Variants in DOP1B observed in about 807,000 individuals in gnomAD.
DOP1B encodes the protein DOP1 leucine zipper like protein B.
DOP1B carries 174 observed loss-of-function variants against 233.5 expected under a neutral mutation model. That is an observed-to-expected ratio of 0.75 (90% CI 0.66 to 0.85). The LOEUF (loss-of-function observed/expected upper bound fraction) is 0.85. DOP1B is among the 40% of genes least tolerant of loss of function. The pLI is 0.00. For synonymous variants in DOP1B, 1,190 were observed against 1,185.6 expected (o/e 1.00, Z -0.08); for missense variants, 2,652 against 2,846.6 (o/e 0.93, Z 1.56).
intron 4 of DOP1B, among the ~76,000 whole-genome samples, chr21:36,202,607 C>A (rs1180112615): frequency 1.3e-5 from 2 of 152,208 alleles, no homozygotes; most frequent in Admixed American, 1.3e-4. Context: ...GGGTGCATTT[C>A]GTGAGCTCTA....
rs149771593 is a variant in DOP1B, at chr21:36,165,914, A to G, written c.138+1043A>G. Among the ~76,000 whole-genome samples the G allele has an allele frequency of 9.8e-3, 1,477 of 151,096 alleles. 18 individuals carry two copies. Among genetic ancestry groups the G allele is most frequent in the African/African-American group, 0.033 (1,364 of 41,224 alleles). On this transcript the variant is annotated intron_variant, in intron 2 of 36. Transcript: ENST00000691173. ...GTATTTTTAGTAGAGACTGGGTTTC[A>G]CCATGTTGGCCAGGCTGGTCTCGAA... is the stretch of plus-strand genomic sequence containing the variant.
intron 10 of DOP1B, 78 bp downstream of exon 10, chr21:36,219,570 T>C: frequency 6.4e-7 from 1 of 1,567,664 alleles, no homozygotes; most frequent in Non-Finnish European, 8.6e-7. Context: ...TCTTGCTTAC[T>C]ATAAATTGTG....
At chr21:36,256,153 A>C (rs2067094362) in intron 23 of DOP1B, among the ~76,000 whole-genome samples, 1 of 152,180 alleles carries the variant, frequency 6.6e-6, no homozygotes, top group African/African-American at 2.4e-5. Flanking sequence ...CAGTTAGCAA[A>C]AATTTAAGAA....
At position 36,254,287 on chromosome 21, in the gene DOP1B, C is replaced by G. The variant is rs537546974; in HGVS notation, c.5259+378C>G. Among the ~76,000 whole-genome samples the G allele has an allele frequency of 1.4e-4, 22 of 152,210 alleles. No individual in the cohort carries two copies. In the South Asian group the frequency reaches 4.6e-3, roughly 32 times the overall value. On this transcript the variant is annotated intron_variant, in intron 23 of 36. Transcript: ENST00000691173. ...GATGCCAAAGATAAACAAAACCAGACTCTAGTGAAAGATGGTAAAGACAGA... is the reference window on the plus strand; with the variant it reads ...GATGCCAAAGATAAACAAAACCAGAGTCTAGTGAAAGATGGTAAAGACAGA...
chr21:36,253,657 T>G, intron 22 of DOP1B, 115 bp from the exon 23 acceptor site: 1 of 1,193,868 alleles, frequency 8.4e-7, no homozygotes, highest in Non-Finnish European at 1.1e-6. Flanking sequence ...AAAAAAGAGA[T>G]GAAAACAGAT....
chr21:36,246,038 T>A lies in DOP1B; in HGVS notation c.4058T>A (p.Ile1353Asn). The change falls in exon 19 of 37, where the codon ATC becomes AAC. Residue 1353 changes from isoleucine (I) to asparagine (N), a missense_variant. By Grantham distance (149) the Ile-to-Asn change is moderately radical. This residue lies in a region of DOP1B where 2,617 missense variants were observed against 2,794.3 expected (regional missense o/e 0.94). Transcript: ENST00000691173. The surrounding 1 kb of genome is among the most constrained non-coding windows in gnomAD (Gnocchi z 5.1). ...DVQVKSVEVL[I>N]RIMMQLVSVA... ...CAGGTCAAAAGTGTCGAGGTTTTGA[T>A]CAGGATAATGATGCAGCTGGTCTCA... 2 of 1,613,662 alleles carry A rather than the reference T, an allele frequency of 1.2e-6. No homozygotes were observed. Among genetic ancestry groups the A allele is most frequent in the Non-Finnish European group, 8.5e-7 (1 of 1,179,942 alleles).
rs554274025 is a variant in DOP1B, at chr21:36,275,064, C to T, written c.5633-1957C>T. Among the ~76,000 whole-genome samples, 9 of 151,946 alleles carry T rather than the reference C, an allele frequency of 5.9e-5. No individual in the cohort carries two copies. The South Asian group carries it at 8.4e-4, about 14-fold the overall frequency. On this transcript the variant is annotated intron_variant, in intron 27 of 36. Coordinates refer to ENST00000691173, the MANE Select transcript of DOP1B (RefSeq NM_001320714.2). ...TTCACCATGTTGGCCAGGCTGGTCT[C>T]GAACTCCTGACCTCAAGCGATCTGC...
intron 22 of DOP1B, among the ~76,000 whole-genome samples, chr21:36,253,503 C>T (rs535116072): frequency 4.6e-5 from 7 of 152,100 alleles, no homozygotes; most frequent in Admixed American, 6.6e-5. Flanking sequence ...CACCTGAGGT[C>T]GGGAGTTTGA....
rs770826731 is a variant in DOP1B, at chr21:36,281,338, A to G, written c.6032-145A>G. On this transcript the variant is annotated intron_variant, in intron 31 of 36. Coordinates refer to ENST00000691173, the MANE Select transcript of DOP1B (RefSeq NM_001320714.2). ...AGAAATAACTATTTTTTAAATATAC[A>G]TGGGAACAGTAATCTCATGTCCTTA... The G allele has an allele frequency of 1.0e-5, 8 of 777,882 alleles. No individual in the cohort carries two copies. The Admixed American group carries it at 1.1e-4, about 11-fold the overall frequency. The allele number at this position is 777,882 out of a possible 1,614,324, so 48.2% of individuals were successfully genotyped here. A position where few individuals can be genotyped will look rare whatever the true frequency, so the allele number is the denominator to read the frequency against.
chr21:36,185,716 C>T (rs2066157249), intron 2 of DOP1B, among the ~76,000 whole-genome samples: 1 of 152,164 alleles, frequency 6.6e-6, no homozygotes, highest in Admixed American at 6.6e-5. Context: ...AGGTACTGTA[C>T]AGCATCACAG....
intron 9 of DOP1B, among the ~76,000 whole-genome samples, chr21:36,217,483 A>C (rs78860521): frequency 0.037 from 5,584 of 152,306 alleles, 132 homozygotes; most frequent in Non-Finnish European, 0.051. Flanking sequence ...AGGGCCAGTC[A>C]GGAGCCTAAG....
chr21:36,163,846 C>T (rs1469561081), intron 1 of DOP1B, among the ~76,000 whole-genome samples: 2 of 152,240 alleles, frequency 1.3e-5, no homozygotes, highest in Admixed American at 6.5e-5. Flanking sequence ...TGTCGTTCCA[C>T]TCAGCCATCG....
At chr21:36,188,838 A>C (rs1447010704) in intron 2 of DOP1B, among the ~76,000 whole-genome samples, 1 of 152,236 alleles carries the variant, frequency 6.6e-6, no homozygotes, top group African/African-American at 2.4e-5. Context: ...GGAAACATTT[A>C]ACATTTTTAT....
intron 24 of DOP1B, among the ~76,000 whole-genome samples, chr21:36,263,271 G>A (rs1238391394): frequency 6.7e-6 from 1 of 148,810 alleles, no homozygotes; most frequent in Non-Finnish European, 1.5e-5. Flanking sequence ...AGAGGTCAAG[G>A]TCGATCATCT....
At chr21:36,231,940 G>A (rs1347238241) in intron 14 of DOP1B, among the ~76,000 whole-genome samples, 1 of 151,620 alleles carries the variant, frequency 6.6e-6, no homozygotes, top group Non-Finnish European at 1.5e-5. Context: ...CCGCCTCCCG[G>A]GTTCAAGTGA....
intron 4 of DOP1B, among the ~76,000 whole-genome samples, chr21:36,202,736 T>C (rs1023884270): frequency 3.0e-4 from 46 of 152,164 alleles, no homozygotes; most frequent in African/African-American, 1.1e-3. Flanking sequence ...GTTTCTACCT[T>C]AGGAGGCAGA....
chr21:36,280,148 T>C, intron 30 of DOP1B, 137 bp from the exon 31 acceptor site: 1 of 582,692 alleles, frequency 1.7e-6, no homozygotes, highest in East Asian at 3.4e-5. Context: ...GTGCTGGGAT[T>C]ATAGGCGTGA....
At chr21:36,166,365 A>AG (rs2065911537) in intron 2 of DOP1B, among the ~76,000 whole-genome samples, 2 of 151,818 alleles carry the variant, frequency 1.3e-5, no homozygotes, top group African/African-American at 4.8e-5. Flanking sequence ...TGAACCAGGG[A>AG]GGCGGAGCTT....
At chr21:36,247,495 G>A (rs1343698415) in intron 19 of DOP1B, 22 bp from the exon 20 acceptor site, 1 of 1,550,712 alleles carries the variant, frequency 6.4e-7, no homozygotes. Flanking sequence ...TCTCAAACCA[G>A]TTTCTCTTTT....
Sources: gnomAD v4.1 joint callset for allele counts (sites outside exome capture counted in the v4.1 genomes callset) on GRCh38, gnomAD v4.1.1 for gene constraint, gnomAD v4.1.1 regional missense constraint, Gnocchi (gnomAD v3.1) non-coding constraint, MANE v1.5 for transcripts, NCBI Gene and HGNC (gene_info 2026-07-23, HGNC 2026-07-21) for gene names.